Variants in ZNF695 observed in about 807,000 individuals in gnomAD.
ZNF695 encodes zinc finger protein 695.
A neutral mutation model predicts 11.2 loss-of-function variants in ZNF695; 11 were observed. The ratio of observed to expected loss-of-function variants is 0.98; its 90% CI spans 0.62 to 1.62. The LOEUF (loss-of-function observed/expected upper bound fraction) is 1.62. Ranked by LOEUF, ZNF695 falls within the 40% of genes most tolerant of loss-of-function variation. ZNF695 has a pLI of 0.00. For missense variants in ZNF695, 559 were observed against 590.5 expected (o/e 0.95, Z 0.55); for synonymous variants, 190 against 201.4 (o/e 0.94, Z 0.48).
chr1:246,987,062 T>G lies in ZNF695; in HGVS notation c.1453A>C (p.Ile485Leu), dbSNP rs377630635. ...QSSHLSKHKTIHTREKPYKCE... is the reference protein window; with the variant it reads ...QSSHLSKHKTLHTREKPYKCE... ...TTGTATGGTTTCTCTCTGGTATGAATTGTCTTATGTTTAGAAAGGTGTGAG... is the reference window on the plus strand; with the variant it reads ...TTGTATGGTTTCTCTCTGGTATGAAGTGTCTTATGTTTAGAAAGGTGTGAG... Residue 485 changes from isoleucine to leucine, a missense_variant, in exon 4 of 4, where the codon ATT (isoleucine) becomes CTT (leucine). Transcript: ENST00000339986. 3.1e-6 allele frequency: 5 copies of G among 1,613,970 alleles called. No homozygotes were observed. In the African/African-American group the frequency reaches 6.7e-5, roughly 22 times the overall value.
chr1:246,975,565 G>A (rs994084748), intron 4 of ZNF695, among the ~76,000 whole-genome samples: 15 of 152,256 alleles, frequency 9.9e-5, no homozygotes, highest in South Asian at 4.1e-4. Context: ...ACAGTGCTTC[G>A]AACTTAAGTA....
At chr1:246,985,182 T>TAGTA (rs1668815211), downstream of ZNF695, 1 of 510,802 alleles carries the variant, frequency 2.0e-6, no homozygotes, top group South Asian at 8.5e-5. Flanking sequence ...ATCCTTAGAG[T>TAGTA]AGTATATTTA....
chr1:246,968,634 C>T (rs1668347560), intron 4 of ZNF695: 1 of 152,278 alleles, frequency 6.6e-6, no homozygotes, highest in South Asian at 2.1e-4. Context: ...AGGTTCTCCA[C>T]AAGGGCTCCG....
At chr1:246,993,603 A>G (rs553604047) in intron 3 of ZNF695, among the ~76,000 whole-genome samples, 5 of 152,318 alleles carry the variant, frequency 3.3e-5, no homozygotes, top group East Asian at 3.9e-4. Context: ...ATTACAATGT[A>G]TACAAAGTAT....
At chr1:246,950,055 A>G (rs1188204647) in intron 5 of ZNF695, among the ~76,000 whole-genome samples, 1 of 152,166 alleles carries the variant, frequency 6.6e-6, no homozygotes, top group East Asian at 1.9e-4. Context: ...TATTGTACTA[A>G]AGTCATATAC....
intron 5 of ZNF695, among the ~76,000 whole-genome samples, chr1:246,951,345 G>A (rs1355577906): frequency 6.6e-6 from 1 of 152,182 alleles, no homozygotes; most frequent in Non-Finnish European, 1.5e-5. Context: ...CATACAATCA[G>A]AAGGGAAAAC....
chr1:246,945,858 A>C (rs1290642154), intron 5 of ZNF695: 1 of 1,549,840 alleles, frequency 6.5e-7, no homozygotes, highest in African/African-American at 1.4e-5. Flanking sequence ...AAAGCAGCTT[A>C]AGGTTCCGAG....
chr1:247,003,016 G>C (rs1669433721), intron 1 of ZNF695, among the ~76,000 whole-genome samples: 2 of 152,176 alleles, frequency 1.3e-5, no homozygotes, highest in South Asian at 4.1e-4. Flanking sequence ...TACACTGCTG[G>C]TGAAAACATA....
At chr1:246,992,182 T>C (rs1553314752) in intron 3 of ZNF695, among the ~76,000 whole-genome samples, 1 of 151,924 alleles carries the variant, frequency 6.6e-6, no homozygotes, top group Non-Finnish European at 1.5e-5. Context: ...AAAGAAAATG[T>C]ACTACTTATA....
intron 5 of ZNF695, among the ~76,000 whole-genome samples, chr1:246,946,251 A>T (rs1299028972): frequency 6.6e-6 from 1 of 151,634 alleles, no homozygotes; most frequent in Non-Finnish European, 1.5e-5. Context: ...TCTACCTATC[A>T]CTATATGACA....
chr1:246,986,863 G>T lies in ZNF695; in HGVS notation c.*104C>A, dbSNP rs1432495412. ...ATAGACTGTAAATGGCCTTTTGACA[G>T]TCATTACATTTGTAACACTCTTATT... On this transcript the variant is annotated 3_prime_UTR_variant, in exon 4 of 4. Coordinates refer to ENST00000339986, the MANE Select transcript of ZNF695 (RefSeq NM_020394.5). 3 of 1,460,618 alleles carry T rather than the reference G, an allele frequency of 2.1e-6. No individual in the cohort carries two copies. Among genetic ancestry groups the T allele is most frequent in the Non-Finnish European group, 2.7e-6 (3 of 1,107,960 alleles). The allele number at this position is 1,460,618 out of a possible 1,614,324, so 90.5% of individuals were successfully genotyped here.
At chr1:246,988,454 G>GA (rs369644078) in intron 3 of ZNF695, among the ~76,000 whole-genome samples, 199 bp from the exon 4 acceptor site, 1 of 151,830 alleles carries the variant, frequency 6.6e-6, no homozygotes, top group African/African-American at 2.4e-5. Context: ...GCCAAAGGGG[G>GA]AAAAAAAGAA....
chr1:246,961,594 C>T (rs747567991), intron 5 of ZNF695, among the ~76,000 whole-genome samples: 1 of 152,190 alleles, frequency 6.6e-6, no homozygotes, highest in Non-Finnish European at 1.5e-5. Flanking sequence ...CAGGATGCTT[C>T]CCATTCACTC....
intron 5 of ZNF695, among the ~76,000 whole-genome samples, chr1:246,966,211 G>A (rs956247226): frequency 2.1e-4 from 32 of 152,090 alleles, no homozygotes; most frequent in African/African-American, 6.0e-4. Flanking sequence ...AAGTGAGGTC[G>A]GGCGCGGTGG....
chr1:246,961,191 T>A (rs1408219986), intron 5 of ZNF695, among the ~76,000 whole-genome samples: 1 of 152,132 alleles, frequency 6.6e-6, no homozygotes, highest in Non-Finnish European at 1.5e-5. Context: ...TTTAGCATCA[T>A]CAGTTCAAAA....
In ZNF695 at chr1:247,002,097, T is replaced by A. The variant is rs77507107; in HGVS notation, c.4-2023A>T. On this transcript the variant is annotated intron_variant, in intron 1 of 3. Coordinates refer to ENST00000339986, the MANE Select transcript of ZNF695 (RefSeq NM_020394.5). ...ACCACATGCTTGGCCATAAAACAAT[T>A]ACCAACAAATTAAAAAAAAAACTGT... Among the ~76,000 whole-genome samples, 1,277 of 151,796 alleles carry A rather than the reference T, an allele frequency of 8.4e-3. 24 individuals carry two copies. The highest frequency in any genetic ancestry group is 0.028 in the African/African-American group (1,163 of 41,366).
At chr1:246,957,148 C>T (rs775635961) in intron 5 of ZNF695, among the ~76,000 whole-genome samples, 2 of 151,986 alleles carry the variant, frequency 1.3e-5, no homozygotes, top group East Asian at 1.9e-4. Context: ...TTTGGGAGAC[C>T]GAGGCCGGCA....
chr1:246,976,595 C>G (rs984024088), intron 4 of ZNF695, among the ~76,000 whole-genome samples: 1 of 151,564 alleles, frequency 6.6e-6, no homozygotes, highest in East Asian at 1.9e-4. Context: ...GAGATCGAGA[C>G]CATCCTGGCT....
At chr1:246,954,822 A>AATACAGTC (rs1165795133) in intron 5 of ZNF695, among the ~76,000 whole-genome samples, 1 of 152,208 alleles carries the variant, frequency 6.6e-6, no homozygotes, top group Non-Finnish European at 1.5e-5. Context: ...ATAAAAATTT[A>AATACAGTC]ATACAGTCAT....
Sources: gnomAD v4.1 joint callset for allele counts (sites outside exome capture counted in the v4.1 genomes callset) on GRCh38, gnomAD v4.1.1 for gene constraint, MANE v1.5 for transcripts, NCBI Gene and HGNC (gene_info 2026-07-23, HGNC 2026-07-21) for gene names.